Variants in SLC35D4 observed in about 807,000 individuals in gnomAD.
The protein encoded by SLC35D4 is solute carrier family 35 member D4.
chr18:23,414,572 C>G, the SLC35D4 span, among the ~76,000 whole-genome samples: 3 of 151,628 alleles, frequency 2.0e-5, no homozygotes, highest in Admixed American at 6.6e-5. Flanking sequence ...TCCCGGGGGG[C>G]TGAGGCAAGA....
At chr18:23,315,177 C>T in the SLC35D4 span, among the ~76,000 whole-genome samples, 1 of 152,142 alleles carries the variant, frequency 6.6e-6, no homozygotes, top group Non-Finnish European at 1.5e-5. Flanking sequence ...CTTCTTCAGC[C>T]CAGTTACAGC....
the SLC35D4 span, among the ~76,000 whole-genome samples, chr18:23,244,204 G>A: frequency 6.6e-6 from 1 of 151,970 alleles, no homozygotes; most frequent in South Asian, 2.1e-4. Flanking sequence ...TCAAGTGGAT[G>A]GAGACACTAC....
chr18:23,267,169 C>T, the SLC35D4 span, among the ~76,000 whole-genome samples: 1 of 152,226 alleles, frequency 6.6e-6, no homozygotes, highest in Non-Finnish European at 1.5e-5. Context: ...ACTTGAGGAA[C>T]CGGGGGCAGT....
the SLC35D4 span, among the ~76,000 whole-genome samples, chr18:23,281,866 C>T: frequency 5.3e-5 from 8 of 152,150 alleles, no homozygotes; most frequent in East Asian, 1.9e-4. Context: ...AAAGCAGAGA[C>T]GTCTGTAACA....
At chr18:23,267,097 C>T in the SLC35D4 span, among the ~76,000 whole-genome samples, 16 of 152,304 alleles carry the variant, frequency 1.1e-4, no homozygotes, top group African/African-American at 2.4e-4. Context: ...CTTGCCCTGC[C>T]GCCCCACAGT....
At chr18:23,269,745 G>C in the SLC35D4 span, among the ~76,000 whole-genome samples, 1 of 152,192 alleles carries the variant, frequency 6.6e-6, no homozygotes, top group African/African-American at 2.4e-5. Flanking sequence ...TGAGGAACTT[G>C]TTGGGAACTG....
At chr18:23,297,710 C>G in the SLC35D4 span, 1 of 344,876 alleles carries the variant, frequency 2.9e-6, no homozygotes, top group Non-Finnish European at 5.5e-6. Context: ...TTCTGCAGAA[C>G]CAGCTACAGC....
At chr18:23,391,608 C>T in the SLC35D4 span, among the ~76,000 whole-genome samples, 4 of 152,196 alleles carry the variant, frequency 2.6e-5, no homozygotes, top group South Asian at 2.1e-4. Context: ...CCACCTCAGC[C>T]TCCTGAGTAG....
At chr18:23,266,063 TCTCAGGGGAAGC>T in the SLC35D4 span, among the ~76,000 whole-genome samples, 4 of 152,048 alleles carry the variant, frequency 2.6e-5, no homozygotes, top group Admixed American at 1.3e-4. Context: ...TGACAGATAC[TCTCAGGGGAAGC>T]CTCAGGGGAA....
chr18:23,238,864 C>T, the SLC35D4 span, among the ~76,000 whole-genome samples: 1 of 152,234 alleles, frequency 6.6e-6, no homozygotes, highest in Admixed American at 6.5e-5. Flanking sequence ...CATTCCTCAG[C>T]AGTCAGCCCC....
chr18:23,416,265 A>G, the SLC35D4 span, among the ~76,000 whole-genome samples: 1 of 152,146 alleles, frequency 6.6e-6, no homozygotes, highest in African/African-American at 2.4e-5. Context: ...TCCAGGTTAG[A>G]AGGGCAATCT....
chr18:23,244,409 C>T, the SLC35D4 span, among the ~76,000 whole-genome samples: 61,656 of 152,094 alleles, frequency 0.41, 13,089 homozygotes, highest in East Asian at 0.48. Flanking sequence ...ATTTTGAATT[C>T]GATGGGTAGA....
At chr18:23,383,173 A>C in the SLC35D4 span, among the ~76,000 whole-genome samples, 3 of 151,994 alleles carry the variant, frequency 2.0e-5, no homozygotes, top group African/African-American at 7.2e-5. Flanking sequence ...GCTCAGCAGG[A>C]GGTATGGGCT....
At chr18:23,437,341 G>C in the SLC35D4 span, among the ~76,000 whole-genome samples, 2 of 152,176 alleles carry the variant, frequency 1.3e-5, no homozygotes, top group African/African-American at 4.8e-5. Context: ...CAGTGTGAGG[G>C]GGAGACGGCT....
the SLC35D4 span, chr18:23,257,048 CA>C: frequency 3.1e-6 from 2 of 647,998 alleles, no homozygotes; most frequent in Non-Finnish European, 5.2e-6. Context: ...AGCTCCTTCA[CA>C]ACCAGGACCG....
At chr18:23,392,237 CT>C in the SLC35D4 span, among the ~76,000 whole-genome samples, 1 of 152,114 alleles carries the variant, frequency 6.6e-6, no homozygotes, top group African/African-American at 2.4e-5. Context: ...CATGCTGGCC[CT>C]TTTACTTAGA....
At chr18:23,266,345 A>G in the SLC35D4 span, among the ~76,000 whole-genome samples, 1 of 150,556 alleles carries the variant, frequency 6.6e-6, no homozygotes, top group Admixed American at 6.6e-5. Context: ...CCTGGCATAC[A>G]GTAGGCACTC....
At chr18:23,329,787 CAA>C in the SLC35D4 span, among the ~76,000 whole-genome samples, 2 of 152,168 alleles carry the variant, frequency 1.3e-5, no homozygotes, top group Non-Finnish European at 2.9e-5. Flanking sequence ...TTCACAATAG[CAA>C]AGACTTGGAA....
chr18:23,259,730 C>A, the SLC35D4 span: 2 of 152,254 alleles, frequency 1.3e-5, no homozygotes, highest in African/African-American at 4.8e-5. Flanking sequence ...ACATTCCAGA[C>A]ACGTCGCAGC....
Sources: gnomAD v4.1 joint callset for allele counts (sites outside exome capture counted in the v4.1 genomes callset) on GRCh38, gnomAD v4.1.1 for gene constraint, MANE v1.5 for transcripts, NCBI Gene and HGNC (gene_info 2026-07-23, HGNC 2026-07-21) for gene names.